The following DSCAM variants were observed in gnomAD, a reference collection of about 807,000 sequenced individuals.
The protein encoded by DSCAM is cell adhesion molecule DSCAM.
DSCAM carries 47 observed loss-of-function variants against 217.7 expected under a neutral mutation model. The ratio of observed to expected loss-of-function variants is 0.22; its 90% CI spans 0.17 to 0.28. The LOEUF (loss-of-function observed/expected upper bound fraction) is 0.28. Among genes scored for constraint, DSCAM ranks in the 10% least tolerant of loss-of-function variants. The pLI, the probability that DSCAM is intolerant of heterozygous loss-of-function variation, is 1.00. For missense variants in DSCAM, 2,080 were observed against 2,618.3 expected (o/e 0.79, Z 4.49); for synonymous variants, 1,056 against 1,015.3 (o/e 1.04, Z -0.76).
intron 3 of DSCAM, among the ~76,000 whole-genome samples, chr21:40,424,153 C>G (rs1186119963): frequency 3.9e-5 from 6 of 152,130 alleles, no homozygotes; most frequent in Non-Finnish European, 7.4e-5. Flanking sequence ...CATGACGTAC[C>G]TTTTAAAACA....
intron 20 of DSCAM, among the ~76,000 whole-genome samples, chr21:40,108,907 C>G (rs2089857485): frequency 1.3e-5 from 2 of 152,162 alleles, no homozygotes; most frequent in Admixed American, 6.5e-5. Context: ...GGAAAGGACT[C>G]CCTATTCAAT....
chr21:40,078,950 A>G lies in DSCAM; in HGVS notation c.4448T>C (p.Leu1483Pro). Residue 1483 changes from leucine to proline, a missense_variant, in exon 26 of 33, where the codon CTG (leucine) becomes CCG (proline). This residue lies in a region of DSCAM where 1,144 missense variants were observed against 1,421.1 expected (regional missense o/e 0.81). Coordinates refer to ENST00000400454, the MANE Select transcript of DSCAM (RefSeq NM_001389.5). The part of the protein sequence containing the change: ...KEPQFSKEQE[L>P]FASINTTRVR... Reference sequence around the variant, plus strand: ...GCGTGTGGTGTTGATGCTGGCAAACAGCTCCTGCTCCTTTGAGAACTGGGG... The same window carrying G: ...GCGTGTGGTGTTGATGCTGGCAAACGGCTCCTGCTCCTTTGAGAACTGGGG... 6.2e-7 allele frequency: 1 copy of G among 1,614,176 alleles called. No homozygotes were observed. Among genetic ancestry groups the G allele is most frequent in the Non-Finnish European group, 8.5e-7 (1 of 1,180,008 alleles).
chr21:40,428,750 G>A (rs924758329), intron 3 of DSCAM, among the ~76,000 whole-genome samples: 3 of 151,954 alleles, frequency 2.0e-5, no homozygotes, highest in Admixed American at 6.6e-5. Context: ...TCAGCTGGCC[G>A]CTGCCCTGGG....
chr21:40,633,752 C>G (rs1390588461), intron 3 of DSCAM, among the ~76,000 whole-genome samples: 2 of 152,160 alleles, frequency 1.3e-5, no homozygotes, highest in African/African-American at 2.4e-5. Context: ...TGCATGGAGT[C>G]AAAACGCAAA....
At chr21:40,757,070 G>C (rs2146574647) in intron 1 of DSCAM, among the ~76,000 whole-genome samples, 1 of 151,876 alleles carries the variant, frequency 6.6e-6, no homozygotes, top group East Asian at 1.9e-4. Flanking sequence ...TGTTGCCCAG[G>C]CTGGAGTGCA....
intron 1 of DSCAM, among the ~76,000 whole-genome samples, chr21:40,762,960 T>C (rs2091350184): frequency 6.6e-6 from 1 of 152,186 alleles, no homozygotes; most frequent in African/African-American, 2.4e-5. Context: ...ATAAGAGCTG[T>C]TTATGACAAA....
intron 10 of DSCAM, among the ~76,000 whole-genome samples, chr21:40,286,028 C>T (rs2073819550): frequency 6.6e-6 from 1 of 152,022 alleles, no homozygotes; most frequent in South Asian, 2.1e-4. Context: ...CAACACAGAG[C>T]AAGACAAATG....
rs34741870 is a variant in DSCAM, at chr21:40,648,676, C to CT, written c.508+44133dup. Among the ~76,000 whole-genome samples, 3 of 151,154 alleles carry CT rather than the reference C, an allele frequency of 2.0e-5. No homozygotes were observed. The East Asian group carries it at 5.8e-4, about 29-fold the overall frequency. Reference sequence around the variant, plus strand: ...CTTTGAGTGGTGTCTTCATTTTAACCTTTTTTGCACACTCATAAACCAATC... The same window carrying CT: ...CTTTGAGTGGTGTCTTCATTTTAACCTTTTTTTGCACACTCATAAACCAATC... On this transcript the variant is annotated intron_variant, in intron 3 of 32. Coordinates refer to ENST00000400454, the MANE Select transcript of DSCAM (RefSeq NM_001389.5).
At chr21:40,487,320 TGTGTGTGAGAGAGAGAGAGAGA>T (rs982602884) in intron 3 of DSCAM, among the ~76,000 whole-genome samples, 8 of 120,052 alleles carry the variant, frequency 6.7e-5, no homozygotes, top group Admixed American at 1.8e-4. Flanking sequence ...TGTGTGTGTG[TGTGTGTGAGAGAGAGAGAGAGA>T]GAGAGAGAGA....
intron 3 of DSCAM, among the ~76,000 whole-genome samples, chr21:40,466,289 A>G (rs2075844846): frequency 6.6e-6 from 1 of 152,214 alleles, no homozygotes; most frequent in Non-Finnish European, 1.5e-5. Flanking sequence ...TCATGCCAAT[A>G]TCACTTTTCA....
At chr21:40,069,101 A>G (rs1032747401) in intron 27 of DSCAM, among the ~76,000 whole-genome samples, 4 of 149,864 alleles carry the variant, frequency 2.7e-5, no homozygotes, top group African/African-American at 7.4e-5. Flanking sequence ...AAAAAAAAAA[A>G]GAAAAAGAAA....
chr21:40,628,762 T>C (rs1384143948), intron 3 of DSCAM, among the ~76,000 whole-genome samples: 2 of 151,700 alleles, frequency 1.3e-5, no homozygotes, highest in Non-Finnish European at 2.9e-5. Flanking sequence ...TTCTTGTGTT[T>C]TTTGAGACAG....
At chr21:40,184,972 CCTT>C (rs2090877585) in intron 14 of DSCAM, among the ~76,000 whole-genome samples, 2 of 152,068 alleles carry the variant, frequency 1.3e-5, no homozygotes, top group Non-Finnish European at 2.9e-5. Flanking sequence ...CAATGTCTTC[CCTT>C]CTTAGAGTTC....
At chr21:40,693,493 T>A (rs1187151141) in intron 2 of DSCAM, among the ~76,000 whole-genome samples, 1 of 151,898 alleles carries the variant, frequency 6.6e-6, no homozygotes, top group African/African-American at 2.4e-5. Context: ...GAAGGTATCA[T>A]GAGATAGGAA....
At chr21:40,690,308 T>C (rs879656943) in intron 3 of DSCAM, among the ~76,000 whole-genome samples, 4 of 152,188 alleles carry the variant, frequency 2.6e-5, no homozygotes, top group Admixed American at 1.3e-4. Flanking sequence ...TAGCAGATCA[T>C]GCCACTGCTT....
intron 3 of DSCAM, among the ~76,000 whole-genome samples, chr21:40,587,399 T>C (rs1601768337): frequency 6.6e-6 from 1 of 152,206 alleles, no homozygotes; most frequent in African/African-American, 2.4e-5. Flanking sequence ...TCCATTCATG[T>C]TGGAAAATGT....
chr21:40,235,522 G>C (rs1045362704), intron 11 of DSCAM, among the ~76,000 whole-genome samples: 1 of 152,116 alleles, frequency 6.6e-6, no homozygotes, highest in African/African-American at 2.4e-5. Flanking sequence ...TTCAGCAAGA[G>C]AGCTCAGCTG....
chr21:40,503,117 G>C (rs991833746), intron 3 of DSCAM, among the ~76,000 whole-genome samples: 2 of 152,080 alleles, frequency 1.3e-5, no homozygotes, highest in Non-Finnish European at 2.9e-5. Flanking sequence ...CCAACGTTAC[G>C]CATTAAGAAT....
chr21:40,258,694 G>A (rs534255206), intron 11 of DSCAM, among the ~76,000 whole-genome samples: 6 of 152,352 alleles, frequency 3.9e-5, no homozygotes, highest in Admixed American at 2.6e-4. Context: ...GTCCAAACAA[G>A]CATTAGGTCA....
Sources: allele counts gnomAD v4.1 joint callset (sites outside exome capture counted in the v4.1 genomes callset), GRCh38; gene constraint gnomAD v4.1.1; regional missense constraint gnomAD v4.1.1; transcripts MANE v1.5; gene names NCBI Gene and HGNC (gene_info 2026-07-23, HGNC 2026-07-21).